Variants in HPS1 observed in about 807,000 individuals in gnomAD.
HPS1 encodes BLOC-3 complex member HPS1.
HPS1 carries 59 observed loss-of-function variants against 90.6 expected under a neutral mutation model. That is an observed-to-expected ratio of 0.65 (90% CI 0.53 to 0.81). The LOEUF (loss-of-function observed/expected upper bound fraction) is 0.81. Ranked by LOEUF, HPS1 falls within the 30% of genes least tolerant of loss-of-function variation. The probability of loss-of-function intolerance (pLI) is 0.00; values close to 1 mark genes in which losing one functional copy is unlikely to be tolerated. For synonymous variants in HPS1, 388 were observed against 384.4 expected, an observed-to-expected ratio of 1.01 and a Z score of -0.11; for missense variants, 849 against 896.7, an observed-to-expected ratio of 0.95 and a Z score of 0.68.
At chr10:98,423,022 T>A (rs948254573) in intron 16 of HPS1, among the ~76,000 whole-genome samples, 4 of 152,246 alleles carry the variant, frequency 2.6e-5, no homozygotes, top group Non-Finnish European at 5.9e-5. Context: ...ACCTGCCCAC[T>A]GAGGACCTGC....
intron 6 of HPS1, 96 bp downstream of exon 6, chr10:98,433,887 C>A (rs557038838): frequency 1.3e-6 from 2 of 1,503,136 alleles, no homozygotes; most frequent in Admixed American, 3.9e-5. Context: ...GCTGCTTGTG[C>A]CTTCATTCAT....
chr10:98,425,358 CA>C (rs1845458220), intron 13 of HPS1, among the ~76,000 whole-genome samples, 182 bp downstream of exon 13: 1 of 152,194 alleles, frequency 6.6e-6, no homozygotes, highest in South Asian at 2.1e-4. Flanking sequence ...TTCTGAAAAC[CA>C]AAAAGCAGCT....
chr10:98,415,126 T>C (rs926519693), downstream of HPS1: 22 of 1,612,888 alleles, frequency 1.4e-5, no homozygotes, highest in East Asian at 1.1e-4. Flanking sequence ...CCTCGGCCAC[T>C]TGCAGCCATT....
At chr10:98,422,284 G>A in intron 17 of HPS1, 85 bp downstream of exon 17, 1 of 1,487,628 alleles carries the variant, frequency 6.7e-7, no homozygotes, top group South Asian at 1.1e-5. Context: ...CACTCTGCTA[G>A]CCCCAGGCAT....
chr10:98,428,660 T>C (rs1289393599), intron 10 of HPS1, among the ~76,000 whole-genome samples: 1 of 151,988 alleles, frequency 6.6e-6, no homozygotes, highest in Non-Finnish European at 1.5e-5. Flanking sequence ...CCTGGCCTTC[T>C]TTCTTCCATC....
chr10:98,439,145 G>T (rs1011167203), intron 3 of HPS1, among the ~76,000 whole-genome samples: 16 of 152,186 alleles, frequency 1.1e-4, no homozygotes, highest in African/African-American at 3.4e-4. Flanking sequence ...TGCTACAGGG[G>T]CAGAGCCCTC....
downstream of HPS1, among the ~76,000 whole-genome samples, chr10:98,414,557 G>A (rs1183260854): frequency 1.3e-5 from 2 of 152,190 alleles, no homozygotes; most frequent in African/African-American, 2.4e-5. Flanking sequence ...GTGACGAGGG[G>A]TGGCCTCAGT....
intron 6 of HPS1, among the ~76,000 whole-genome samples, chr10:98,432,160 G>GC (rs1846570297): frequency 1.3e-5 from 2 of 152,208 alleles, no homozygotes; most frequent in South Asian, 4.1e-4. Context: ...AGTGAAATAG[G>GC]CAGCGATAGA....
chr10:98,428,492 A>C (rs1845900631), intron 10 of HPS1, among the ~76,000 whole-genome samples: 1 of 152,240 alleles, frequency 6.6e-6, no homozygotes, highest in Admixed American at 6.5e-5. Context: ...AAAATTTCCT[A>C]GAAGTATTCA....
In HPS1 at chr10:98,417,430, C is replaced by T; in HGVS notation, c.*134G>A. The T allele has an allele frequency of 1.3e-6, 1 of 747,542 alleles. No homozygotes were observed. The highest frequency in any genetic ancestry group is 2.1e-6 in the Non-Finnish European group (1 of 469,332). The allele number at this position is 747,542 out of a possible 1,614,324, so 46.3% of individuals were successfully genotyped here. On this transcript the variant is annotated 3_prime_UTR_variant, in exon 20 of 20. Coordinates refer to ENST00000361490, the MANE Select transcript of HPS1 (RefSeq NM_000195.5). The surrounding 1 kb of genome is among the most constrained non-coding windows in gnomAD (Gnocchi z 4.2). ...GTGGTCTAGGTGGGGTTTTAGAAGC[C>T]CTGGGGCCACCCTGGGCACTCTGCC... is the stretch of plus-strand genomic sequence containing the variant.
rs745504366 is a variant in HPS1, at chr10:98,433,989, G to A, written c.501C>T (p.Ala167=). Residue 167 remains alanine (A), a synonymous_variant, in exon 6 of 20, where the codon GCC becomes GCT. Coordinates refer to ENST00000361490, the MANE Select transcript of HPS1 (RefSeq NM_000195.5). ...TCCCGCGCCCAGTAGTCACCTCCAC[G>A]GCGAAGCACTGCTCCTGCTCCCGCA... The part of the protein sequence containing the change: ...SRLREQEQCF[A]VEALERLIHP... The A allele has an allele frequency of 1.2e-5, 18 of 1,557,436 alleles. No homozygotes were observed. In the East Asian group the frequency reaches 1.4e-4, roughly 12 times the overall value.
intron 17 of HPS1, among the ~76,000 whole-genome samples, chr10:98,421,815 C>T (rs1041525636): frequency 2.6e-5 from 4 of 152,196 alleles, no homozygotes; most frequent in Non-Finnish European, 1.5e-5. Context: ...AGGAAACTGA[C>T]CCTTGGGCTA....
chr10:98,430,691 C>T, intron 7 of HPS1, 21 bp from the exon 8 acceptor site: 1 of 1,543,242 alleles, frequency 6.5e-7, no homozygotes, highest in Non-Finnish European at 8.8e-7. Context: ...AGGAGCATGG[C>T]CACCCATCAG....
intron 10 of HPS1, 32 bp from the exon 11 acceptor site, chr10:98,427,296 A>G: frequency 6.5e-7 from 1 of 1,531,818 alleles, no homozygotes; most frequent in Non-Finnish European, 8.9e-7. Context: ...ATAACGATGT[A>G]AGTACCATGA....
At chr10:98,420,887 C>T (rs2136108909) in intron 17 of HPS1, among the ~76,000 whole-genome samples, 1 of 152,286 alleles carries the variant, frequency 6.6e-6, no homozygotes, top group South Asian at 2.1e-4. Flanking sequence ...GAACTGATGG[C>T]ACAGGTGAGT....
intron 16 of HPS1, among the ~76,000 whole-genome samples, chr10:98,423,087 C>T (rs1276187793): frequency 1.3e-5 from 2 of 152,202 alleles, no homozygotes; most frequent in African/African-American, 2.4e-5. Context: ...AGCTGCTTTA[C>T]ATGAATTTTC....
At chr10:98,420,697 C>A (rs951880711) in intron 17 of HPS1, among the ~76,000 whole-genome samples, 1 of 151,758 alleles carries the variant, frequency 6.6e-6, no homozygotes, top group Non-Finnish European at 1.5e-5. Flanking sequence ...GCCTGGGTGA[C>A]AAAGTGAGAC....
chr10:98,427,771 CT>C (rs1329198169), intron 10 of HPS1, among the ~76,000 whole-genome samples: 1 of 152,198 alleles, frequency 6.6e-6, no homozygotes, highest in African/African-American at 2.4e-5. Flanking sequence ...GCACAAAAAC[CT>C]ACTGAACCCA....
rs1376759136 is a variant in HPS1, at chr10:98,435,593, G to A, written c.255+42C>T. ...GAGAGGCCTGTGGACTCCCCATCAAGCTGAGGGAAGAGGAACATGGGCCCC... is the reference window on the plus strand; with the variant it reads ...GAGAGGCCTGTGGACTCCCCATCAAACTGAGGGAAGAGGAACATGGGCCCC... On this transcript the variant is annotated intron_variant, in intron 4 of 19. Coordinates refer to ENST00000361490, the MANE Select transcript of HPS1 (RefSeq NM_000195.5). The surrounding 1 kb of genome is among the most constrained non-coding windows in gnomAD (Gnocchi z 4.3). 6.2e-7 allele frequency: 1 copy of A among 1,612,294 alleles called. No homozygotes were observed. Among genetic ancestry groups the A allele is most frequent in the Non-Finnish European group, 8.5e-7 (1 of 1,178,382 alleles).
Sources: allele counts gnomAD v4.1 joint callset (sites outside exome capture counted in the v4.1 genomes callset), GRCh38; gene constraint gnomAD v4.1.1; non-coding constraint Gnocchi (gnomAD v3.1); transcripts MANE v1.5; gene names NCBI Gene and HGNC (gene_info 2026-07-23, HGNC 2026-07-21).